LTA4H: variants seen among roughly 807,000 people sequenced by gnomAD.
LTA4H encodes the protein leukotriene A4 hydrolase.
In LTA4H, 59 loss-of-function variants were observed where a neutral mutation model predicts 89.8. The observed-to-expected ratio is 0.66, with a 90% CI of 0.53 to 0.82. LTA4H has a LOEUF of 0.82. Ranked by LOEUF, LTA4H falls within the 40% of genes least tolerant of loss-of-function variation. The pLI is 0.00. For missense variants in LTA4H, 617 were observed against 727.0 expected, an observed-to-expected ratio of 0.85 and a Z score of 1.74; for synonymous variants, 227 against 253.1, an observed-to-expected ratio of 0.90 and a Z score of 0.98.
intron 3 of LTA4H, 77 bp downstream of exon 3, chr12:96,027,367 C>T (rs1335211895): frequency 2.3e-6 from 3 of 1,315,180 alleles, no homozygotes; most frequent in Admixed American, 2.5e-5. Context: ...ATCCATAAAA[C>T]CACTGTTCAT....
At chr12:96,027,633 A>G in intron 2 of LTA4H, 69 bp from the exon 3 acceptor site, 2 of 910,954 alleles carry the variant, frequency 2.2e-6, no homozygotes, top group Non-Finnish European at 3.4e-6. Context: ...CTCATAATAC[A>G]TACACTGAAT....
At chr12:96,016,429 G>A (rs1296285401) in intron 10 of LTA4H, among the ~76,000 whole-genome samples, 1 of 151,922 alleles carries the variant, frequency 6.6e-6, no homozygotes, top group Non-Finnish European at 1.5e-5. Flanking sequence ...TGGGCGACAT[G>A]GTGAAATCCC....
intron 14 of LTA4H, chr12:96,011,943 G>C (rs1262702862): frequency 6.6e-6 from 1 of 152,100 alleles, no homozygotes; most frequent in Non-Finnish European, 1.5e-5. Context: ...TATTATTTTT[G>C]CTGATACCTT....
rs1389942662 is a variant in LTA4H, at chr12:96,006,405, T to G, written c.1439A>C (p.Lys480Thr). 2 of 1,597,412 alleles carry G rather than the reference T, an allele frequency of 1.3e-6. No individual in the cohort carries two copies. Among genetic ancestry groups the G allele is most frequent in the Admixed American group, 3.4e-5 (2 of 59,592 alleles). Residue 480 changes from lysine to threonine, a missense_variant, in exon 16 of 19, where the codon AAA (lysine) becomes ACA (threonine). Transcript: ENST00000228740. The stretch of plus-strand genomic sequence containing the variant: ...ATTGAATGAATTTAAATCATCTTCT[T>G]TGGCCTGAAATAAATGTTACCTAGT... ...IALSQRWITA[K>T]EDDLNSFNAT...
In LTA4H at chr12:96,013,855, T is replaced by G; in HGVS notation, c.1205-2A>C. On this transcript the variant is annotated splice_acceptor_variant, in intron 12 of 18. Coordinates refer to ENST00000228740, the MANE Select transcript of LTA4H (RefSeq NM_000895.3). LOFTEE classifies it high-confidence loss of function. Reference sequence around the variant, plus strand: ...CTTTTAAGAATCCTAGGAAAATCTCTAAGAGTAAAAAAGAAAAGAAATCAA... The same window carrying G: ...CTTTTAAGAATCCTAGGAAAATCTCGAAGAGTAAAAAAGAAAAGAAATCAA... 1.3e-5 allele frequency: 17 copies of G among 1,316,868 alleles called. No individual in the cohort carries two copies. The highest frequency in any genetic ancestry group is 1.5e-5 in the African/African-American group (1 of 67,320). The allele number at this position is 1,316,868 out of a possible 1,614,324, so 81.6% of individuals were successfully genotyped here.
chr12:96,008,326 T>C (rs1206426027), intron 15 of LTA4H, among the ~76,000 whole-genome samples: 1 of 152,178 alleles, frequency 6.6e-6, no homozygotes, highest in African/African-American at 2.4e-5. Context: ...TAAAGGGTTC[T>C]ATTTTAGTAC....
chr12:96,035,426 G>A lies in LTA4H; in HGVS notation c.94C>T (p.Arg32Cys). ...GCAGCAGTCCCGGTCAGCGTCCGGC[G>A]AGTAAAGTCGACGCTGCAGCGCAGG... ...LHLRCSVDFT[R>C]RTLTGTAALT... Residue 32 changes from arginine to cysteine, a missense_variant, in exon 1 of 19, where the codon CGC (arginine) becomes TGC (cysteine). Coordinates refer to ENST00000228740, the MANE Select transcript of LTA4H (RefSeq NM_000895.3). 1 of 1,610,490 alleles carries A rather than the reference G, an allele frequency of 6.2e-7. No homozygotes were observed.
At chr12:96,025,987 A>G (rs2136908906) in intron 3 of LTA4H, among the ~76,000 whole-genome samples, 1 of 152,302 alleles carries the variant, frequency 6.6e-6, no homozygotes, top group East Asian at 1.9e-4. Flanking sequence ...TGAAGCTATT[A>G]CAAATCCTAA....
intron 14 of LTA4H, chr12:96,012,209 A>C (rs1950311598): frequency 1.3e-5 from 2 of 152,224 alleles, no homozygotes; most frequent in Non-Finnish European, 2.9e-5. Context: ...ACCAGGCCTC[A>C]TCTTGTTTCT....
At chr12:96,019,261 A>T in intron 6 of LTA4H, 21 bp from the exon 7 acceptor site, 1 of 1,594,640 alleles carries the variant, frequency 6.3e-7, no homozygotes, top group Non-Finnish European at 8.5e-7. Flanking sequence ...AAAAAGCTTA[A>T]TAAAAAAGAA....
chr12:96,000,843 C>T lies in LTA4H; in HGVS notation c.*146G>A, dbSNP rs1435433121. 11 of 569,326 alleles carry T rather than the reference C, an allele frequency of 1.9e-5. No individual in the cohort carries two copies. The highest frequency in any genetic ancestry group is 3.1e-5 in the Non-Finnish European group (10 of 317,986). 35.3% of individuals were successfully genotyped at this position (569,326 alleles called of 1,614,324 possible). On this transcript the variant is annotated 3_prime_UTR_variant, in exon 19 of 19. Coordinates refer to ENST00000228740, the MANE Select transcript of LTA4H (RefSeq NM_000895.3). Reference sequence around the variant, plus strand: ...AATATGCCACTATAAGAAGAAGTAGCTCAACTTTATTTCAGTAAAATCACC... The same window carrying T: ...AATATGCCACTATAAGAAGAAGTAGTTCAACTTTATTTCAGTAAAATCACC...
At chr12:96,041,567 A>G (rs1273886462) in intron 1 of LTA4H, among the ~76,000 whole-genome samples, 1 of 151,908 alleles carries the variant, frequency 6.6e-6, no homozygotes, top group African/African-American at 2.4e-5. Context: ...AAAAAAAAAC[A>G]AAAAAAGAAA....
At chr12:96,028,445 C>CA (rs1950536342) in intron 2 of LTA4H, among the ~76,000 whole-genome samples, 1 of 152,022 alleles carries the variant, frequency 6.6e-6, no homozygotes, top group Admixed American at 6.5e-5. Context: ...TGTTCTAGGC[C>CA]AATAGTTTTC....
upstream of LTA4H, among the ~76,000 whole-genome samples, chr12:96,036,022 C>T (rs916039391): frequency 6.6e-6 from 1 of 152,116 alleles, no homozygotes; most frequent in Non-Finnish European, 1.5e-5. Context: ...TCGTGCGGTT[C>T]CTCGTTAGTA....
rs1339409278 is a variant in LTA4H at position 96,003,209 on chromosome 12, C to T, written c.1614-145G>A. 14 of 540,702 alleles carry T rather than the reference C, an allele frequency of 2.6e-5. No homozygotes were observed. In the South Asian group the frequency reaches 3.7e-4, roughly 14 times the overall value. The allele number at this position is 540,702 out of a possible 1,614,324, so 33.5% of individuals were successfully genotyped here. The stretch of plus-strand genomic sequence containing the variant: ...CACCACTTTATGGTATGTCTTGATT[C>T]TGAGACTCTCAAATCCTTATATATA... On this transcript the variant is annotated intron_variant, in intron 17 of 18. Coordinates refer to ENST00000228740, the MANE Select transcript of LTA4H (RefSeq NM_000895.3).
At chr12:96,005,800 G>A (rs913732431) in intron 16 of LTA4H, among the ~76,000 whole-genome samples, 1 of 152,162 alleles carries the variant, frequency 6.6e-6, no homozygotes. Context: ...TCAGGCTGGA[G>A]TACAGGGGTG....
chr12:96,015,610 C>T lies in LTA4H; in HGVS notation c.1032G>A (p.Leu344=), dbSNP rs746345560. ...FGEKFRHFNA[L]GGWGELQNSV... is the part of the protein sequence containing the mutation. The stretch of plus-strand genomic sequence containing the variant: ...AATTCTGTAGTTCTCCCCATCCTCC[C>T]AGAGCATTAAAATGTCTGAACTTTT... The change falls in exon 11 of 19, where the codon CTG becomes CTA. Residue 344 remains leucine (L), a synonymous_variant. Coordinates refer to ENST00000228740, the MANE Select transcript of LTA4H (RefSeq NM_000895.3). The T allele has an allele frequency of 6.2e-7, 1 of 1,613,876 alleles. No homozygotes were observed. The highest frequency in any genetic ancestry group is 2.2e-5 in the East Asian group (1 of 44,880).
intron 8 of LTA4H, among the ~76,000 whole-genome samples, chr12:96,017,872 T>C (rs1566010103): frequency 2.0e-5 from 3 of 152,242 alleles, no homozygotes; most frequent in Non-Finnish European, 2.9e-5. Context: ...TTTTTATATC[T>C]GCTCTTATTT....
intron 10 of LTA4H, among the ~76,000 whole-genome samples, chr12:96,016,764 G>A (rs1304522083): frequency 6.6e-6 from 1 of 152,088 alleles, no homozygotes. Flanking sequence ...AGCTGGGCGT[G>A]GTGGCGCATG....
Sources: gnomAD v4.1 joint callset for allele counts (sites outside exome capture counted in the v4.1 genomes callset) on GRCh38, gnomAD v4.1.1 for gene constraint, MANE v1.5 for transcripts, NCBI Gene and HGNC (gene_info 2026-07-23, HGNC 2026-07-21) for gene names.